AK9: variants seen among roughly 807,000 people sequenced by gnomAD.
The protein encoded by AK9 is adenylate kinase 9.
Under a neutral mutation model 239.6 loss-of-function variants are expected in AK9, and 191 were observed. That is an observed-to-expected ratio of 0.80 (90% CI 0.71 to 0.90). The LOEUF (loss-of-function observed/expected upper bound fraction) is 0.90, where lower values mean the gene tolerates loss of function less well. Among genes scored for constraint, AK9 ranks in the 40% least tolerant of loss-of-function variants. AK9 has a pLI of 0.00. For missense variants in AK9, 1,995 were observed against 2,214.7 expected (o/e 0.90, Z 1.99); for synonymous variants, 689 against 721.0 (o/e 0.96, Z 0.71).
At chr6:109,556,406 T>G (rs985280651) in intron 24 of AK9, among the ~76,000 whole-genome samples, 7 of 152,210 alleles carry the variant, frequency 4.6e-5, no homozygotes, top group African/African-American at 1.7e-4. Context: ...TCCCCTTGTA[T>G]GTTACCTGAC....
chr6:109,651,465 A>C (rs1028875366), intron 8 of AK9, among the ~76,000 whole-genome samples: 1 of 152,208 alleles, frequency 6.6e-6, no homozygotes, highest in African/African-American at 2.4e-5. Context: ...AAGAGAAAGC[A>C]GGAACGATCT....
chr6:109,661,091 G>A, intron 6 of AK9: 1 of 312,084 alleles, frequency 3.2e-6, no homozygotes, highest in Non-Finnish European at 6.3e-6. Context: ...AGAAATTCCA[G>A]GCTTATTCCC....
At chr6:109,582,189 A>G (rs1364920800) in intron 19 of AK9, among the ~76,000 whole-genome samples, 2 of 152,224 alleles carry the variant, frequency 1.3e-5, no homozygotes, top group East Asian at 3.8e-4. Context: ...CATGCCTGCT[A>G]ATGCAACATC....
intron 38 of AK9, among the ~76,000 whole-genome samples, chr6:109,496,012 C>T (rs1043659641): frequency 6.6e-6 from 1 of 151,928 alleles, no homozygotes; most frequent in Non-Finnish European, 1.5e-5. Flanking sequence ...ACCATTTTTA[C>T]TCCTTAAATC....
chr6:109,588,303 T>C (rs1331834681), intron 17 of AK9, among the ~76,000 whole-genome samples: 4 of 152,150 alleles, frequency 2.6e-5, no homozygotes, highest in Non-Finnish European at 5.9e-5. Flanking sequence ...TCTCCTGACC[T>C]CGTGATCCGC....
chr6:109,511,082 TAACA>T (rs1724819873), intron 32 of AK9, among the ~76,000 whole-genome samples: 2 of 150,418 alleles, frequency 1.3e-5, no homozygotes, highest in African/African-American at 4.9e-5. Context: ...TTTTTTTCCT[TAACA>T]AACCAATTTT....
intron 27 of AK9, among the ~76,000 whole-genome samples, chr6:109,534,964 C>T (rs1344301531): frequency 1.3e-5 from 2 of 152,152 alleles, no homozygotes; most frequent in African/African-American, 2.4e-5. Context: ...CATAGTATTC[C>T]ATGGTGTATA....
intron 8 of AK9, among the ~76,000 whole-genome samples, chr6:109,655,363 C>G (rs1239899785): frequency 6.6e-6 from 1 of 152,060 alleles, no homozygotes; most frequent in African/African-American, 2.4e-5. Flanking sequence ...TATTTGTTGT[C>G]CATTTATCTC....
At chr6:109,645,319 TC>T (rs1291389019) in intron 8 of AK9, among the ~76,000 whole-genome samples, 1 of 152,142 alleles carries the variant, frequency 6.6e-6, no homozygotes, top group African/African-American at 2.4e-5. Context: ...GGAAAGTGTT[TC>T]CAAGGGTACC....
At chr6:109,662,097 A>G (rs9400314) in intron 6 of AK9, among the ~76,000 whole-genome samples, 84,194 of 152,072 alleles carry the variant, frequency 0.55, 24,893 homozygotes, top group South Asian at 0.78. Context: ...TGAGCAAGAC[A>G]TGGTTCCTAC....
rs1379179862 is a variant in AK9 at position 109,614,229 on chromosome 6, CTTTGT to C, written c.1558_1562del (p.Thr520ValfsTer7). The C allele has an allele frequency of 6.4e-7, 1 of 1,551,384 alleles. No individual in the cohort carries two copies. Among genetic ancestry groups the C allele is most frequent in the East Asian group, 2.4e-5 (1 of 40,898 alleles). ...CTTGATCATGGAGGACATTTTCTGACTTTGTTTTGGCTTCTTCGGTGTCCACTAAA... is the reference window on the plus strand; with the variant it reads ...CTTGATCATGGAGGACATTTTCTGACTTTGGCTTCTTCGGTGTCCACTAAA... On this transcript the variant is annotated frameshift_variant, in exon 15 of 41. Coordinates refer to ENST00000424296, the MANE Select transcript of AK9 (RefSeq NM_001145128.3). LOFTEE classifies it high-confidence loss of function.
chr6:109,658,788 C>G (rs1224030046), intron 7 of AK9, among the ~76,000 whole-genome samples: 2 of 151,770 alleles, frequency 1.3e-5, no homozygotes, highest in Non-Finnish European at 1.5e-5. Context: ...TCACTTGCTT[C>G]TTTTTGCTTT....
At chr6:109,651,590 G>C (rs956068326) in intron 8 of AK9, among the ~76,000 whole-genome samples, 8 of 152,138 alleles carry the variant, frequency 5.3e-5, no homozygotes. Context: ...GAAGGAGACA[G>C]AGACACATAA....
chr6:109,656,657 A>G, intron 8 of AK9, 99 bp downstream of exon 8: 1 of 1,308,302 alleles, frequency 7.6e-7, no homozygotes, highest in South Asian at 1.5e-5. Context: ...AGAATCAGAC[A>G]GATAATAACA....
chr6:109,597,927 C>A (rs1300734664), intron 17 of AK9, among the ~76,000 whole-genome samples: 3 of 152,092 alleles, frequency 2.0e-5, no homozygotes, highest in Non-Finnish European at 4.4e-5. Context: ...TGTATTTCTT[C>A]TTTGATAAAA....
chr6:109,564,029 C>T, intron 23 of AK9, 51 bp downstream of exon 23: 4 of 1,481,604 alleles, frequency 2.7e-6, no homozygotes, highest in East Asian at 2.5e-5. Context: ...CAAAATGCTT[C>T]TAATACTATC....
intron 28 of AK9, among the ~76,000 whole-genome samples, chr6:109,532,900 G>C (rs986887138): frequency 2.0e-5 from 3 of 152,028 alleles, no homozygotes; most frequent in African/African-American, 7.2e-5. Context: ...TTGATGGATG[G>C]TGTCATCGCT....
intron 5 of AK9, 93 bp from the exon 6 acceptor site, chr6:109,662,756 T>C: frequency 1.9e-6 from 1 of 524,444 alleles, no homozygotes; most frequent in Non-Finnish European, 2.7e-6. Context: ...TACTATATTA[T>C]TACTTTATAC....
intron 10 of AK9, among the ~76,000 whole-genome samples, chr6:109,636,894 G>A (rs1000830412): frequency 6.6e-6 from 1 of 151,778 alleles, no homozygotes; most frequent in Non-Finnish European, 1.5e-5. Context: ...TGAGTTCCTG[G>A]TTTCAATCCT....
Sources: allele counts gnomAD v4.1 joint callset (sites outside exome capture counted in the v4.1 genomes callset), GRCh38; gene constraint gnomAD v4.1.1; transcripts MANE v1.5; gene names NCBI Gene and HGNC (gene_info 2026-07-23, HGNC 2026-07-21).